Variants in CHRM3 observed in about 807,000 individuals in gnomAD.
CHRM3 encodes cholinergic receptor muscarinic 3, also known as muscarinic acetylcholine receptor M3.
CHRM3 carries 11 observed loss-of-function variants against 41.8 expected under a neutral mutation model. That is an observed-to-expected ratio of 0.26 (90% confidence interval 0.17 to 0.44). The LOEUF (loss-of-function observed/expected upper bound fraction) is 0.44. Among genes scored for constraint, CHRM3 ranks in the 20% least tolerant of loss-of-function variants. CHRM3 has a pLI of 1.00. For missense variants in CHRM3, 571 were observed against 745.4 expected (o/e 0.77, Z 2.72); for synonymous variants, 297 against 301.4 (o/e 0.99, Z 0.15).
At chr1:239,432,755 C>T (rs1436090324) in intron 1 of CHRM3, among the ~76,000 whole-genome samples, 1 of 152,116 alleles carries the variant, frequency 6.6e-6, no homozygotes, top group Non-Finnish European at 1.5e-5. Context: ...AAAATGGAAA[C>T]AGAAACTGTC....
intron 5 of CHRM3, among the ~76,000 whole-genome samples, chr1:239,815,074 C>G (rs190935716): frequency 1.4e-4 from 22 of 152,334 alleles, no homozygotes; most frequent in African/African-American, 4.8e-4. Flanking sequence ...CCATGCCCGG[C>G]CCGCTGTTTG....
At chr1:239,856,908 AC>A (rs780529934) in intron 6 of CHRM3, among the ~76,000 whole-genome samples, 1 of 152,102 alleles carries the variant, frequency 6.6e-6, no homozygotes, top group Non-Finnish European at 1.5e-5. Context: ...GGTAGGTAAA[AC>A]TCATCTCAAC....
chr1:239,858,123 A>G (rs1221296245), intron 6 of CHRM3, among the ~76,000 whole-genome samples: 2 of 152,182 alleles, frequency 1.3e-5, no homozygotes, highest in Non-Finnish European at 2.9e-5. Context: ...TTAATGATGC[A>G]CTAATTAGAA....
intron 5 of CHRM3, among the ~76,000 whole-genome samples, chr1:239,808,251 C>A (rs1460584451): frequency 6.6e-6 from 1 of 152,056 alleles, no homozygotes; most frequent in Non-Finnish European, 1.5e-5. Context: ...AAAGGAATTG[C>A]AATACTTTTT....
intron 5 of CHRM3, among the ~76,000 whole-genome samples, chr1:239,779,264 A>G (rs1328723656): frequency 6.6e-6 from 1 of 152,178 alleles, no homozygotes; most frequent in African/African-American, 2.4e-5. Flanking sequence ...CCCTGTTTTC[A>G]GCATCCCCCA....
At chr1:239,800,603 T>C (rs1670134807) in intron 5 of CHRM3, among the ~76,000 whole-genome samples, 1 of 152,190 alleles carries the variant, frequency 6.6e-6, no homozygotes, top group African/African-American at 2.4e-5. Flanking sequence ...TCTGCAATTC[T>C]TACAACGTCC....
At chr1:239,761,996 G>A (rs1024881940) in intron 5 of CHRM3, among the ~76,000 whole-genome samples, 5 of 152,154 alleles carry the variant, frequency 3.3e-5, no homozygotes, top group African/African-American at 1.2e-4. Context: ...CCCGGGAGTA[G>A]ACTGGAATGA....
At chr1:239,641,039 G>C (rs113700596) in intron 4 of CHRM3, among the ~76,000 whole-genome samples, 1,952 of 152,244 alleles carry the variant, frequency 0.013, 57 homozygotes, top group African/African-American at 0.045. Context: ...TAGTCATTCA[G>C]GAGCAGGTTG....
intron 5 of CHRM3, among the ~76,000 whole-genome samples, chr1:239,759,144 C>G (rs1043498137): frequency 6.8e-6 from 1 of 147,124 alleles, no homozygotes; most frequent in African/African-American, 2.5e-5. Flanking sequence ...ATTTTCCCCC[C>G]TGAGCTTTAT....
intron 1 of CHRM3, among the ~76,000 whole-genome samples, chr1:239,486,705 C>G (rs1234338925): frequency 6.6e-6 from 1 of 152,152 alleles, no homozygotes; most frequent in African/African-American, 2.4e-5. Flanking sequence ...CTGTAGTTTA[C>G]CAACCCCTGA....
intron 3 of CHRM3, among the ~76,000 whole-genome samples, chr1:239,553,022 T>A (rs1041936236): frequency 3.9e-5 from 6 of 152,124 alleles, no homozygotes; most frequent in Non-Finnish European, 8.8e-5. Context: ...CCTAGCCACG[T>A]TGTCTCTCAA....
chr1:239,524,169 A>AGT (rs1669840658), intron 2 of CHRM3, among the ~76,000 whole-genome samples: 2 of 150,096 alleles, frequency 1.3e-5, no homozygotes, highest in Admixed American at 6.6e-5. Flanking sequence ...AGATTCAAAG[A>AGT]ATATATATAT....
chr1:239,893,349 CTTT>C, intron 6 of CHRM3, among the ~76,000 whole-genome samples: 1 of 152,136 alleles, frequency 6.6e-6, no homozygotes, highest in Non-Finnish European at 1.5e-5. Flanking sequence ...TGAGTTTCTG[CTTT>C]ATAAGCTTAG....
intron 2 of CHRM3, among the ~76,000 whole-genome samples, chr1:239,498,999 CCT>C (rs1348954173): frequency 6.6e-6 from 1 of 152,028 alleles, no homozygotes; most frequent in African/African-American, 2.4e-5. Flanking sequence ...CAGTCAGGAA[CCT>C]TAATTTTTAT....
intron 5 of CHRM3, among the ~76,000 whole-genome samples, chr1:239,720,376 C>T (rs987228338): frequency 6.6e-6 from 1 of 151,842 alleles, no homozygotes; most frequent in African/African-American, 2.4e-5. Context: ...GTCATTTAGT[C>T]AGAAACAAAG....
At chr1:239,868,547 T>C (rs1019347141) in intron 6 of CHRM3, among the ~76,000 whole-genome samples, 41 of 152,136 alleles carry the variant, frequency 2.7e-4, no homozygotes, top group African/African-American at 9.9e-4. Context: ...AACTTTAAGC[T>C]GTTTCTCTCA....
At position 239,407,415 on chromosome 1, in the gene CHRM3, T is replaced by G. The variant is rs930494311; in HGVS notation, c.-521+20188T>G. 5.5e-4 allele frequency among the ~76,000 whole-genome samples: 58 copies of G among 106,036 alleles called. 1 individual carries two copies. The highest frequency in any genetic ancestry group is 4.8e-3 in the Middle Eastern group (1 of 208). The allele number at this position is 106,036 out of a possible 152,430, so 69.6% of individuals were successfully genotyped here. A position where few individuals can be genotyped will look rare whatever the true frequency, so the allele number is the denominator to read the frequency against. ...AGACCAATGACTATAAATATATATATATAGAGAGAGAGAGAGAGAGAGAGA... is the reference window on the plus strand; with the variant it reads ...AGACCAATGACTATAAATATATATAGATAGAGAGAGAGAGAGAGAGAGAGA... On this transcript the variant is annotated intron_variant, in intron 1 of 6. Transcript: ENST00000676153.
At chr1:239,580,934 T>C (rs1358661183) in intron 3 of CHRM3, among the ~76,000 whole-genome samples, 2 of 151,846 alleles carry the variant, frequency 1.3e-5, no homozygotes, top group Admixed American at 6.6e-5. Context: ...GGTGTCTGAC[T>C]ACCCAAATGA....
intron 1 of CHRM3, among the ~76,000 whole-genome samples, chr1:239,475,902 G>A (rs1313350859): frequency 2.0e-5 from 3 of 152,062 alleles, no homozygotes; most frequent in African/African-American, 7.2e-5. Flanking sequence ...GGATGGTGTG[G>A]ATTTGTAATT....
Sources: allele counts gnomAD v4.1 joint callset (sites outside exome capture counted in the v4.1 genomes callset), GRCh38; gene constraint gnomAD v4.1.1; transcripts MANE v1.5; gene names NCBI Gene and HGNC (gene_info 2026-07-23, HGNC 2026-07-21).